Variants in TRAK1 observed in about 807,000 individuals in gnomAD.
The protein encoded by TRAK1 is trafficking kinesin protein 1, also known as trafficking kinesin-binding protein 1.
In TRAK1, 33 loss-of-function variants were observed where a neutral mutation model predicts 92.1. That is an observed-to-expected ratio of 0.36 (90% CI 0.27 to 0.48). TRAK1 has a LOEUF of 0.48. Ranked by LOEUF, TRAK1 falls within the 20% of genes least tolerant of loss-of-function variation. TRAK1 has a pLI of 0.99. For missense variants in TRAK1, 1,123 were observed against 1,257.9 expected, an observed-to-expected ratio of 0.89 and a Z score of 1.62; for synonymous variants, 521 against 517.3, an observed-to-expected ratio of 1.01 and a Z score of -0.10.
chr3:42,088,785 C>G (rs1704823994), upstream of TRAK1, among the ~76,000 whole-genome samples: 1 of 152,152 alleles, frequency 6.6e-6, no homozygotes, highest in Non-Finnish European at 1.5e-5. Flanking sequence ...CTTCTGGGTC[C>G]CCACACTCTC....
chr3:42,122,589 A>T (rs1480208044), intron 1 of TRAK1, among the ~76,000 whole-genome samples: 1 of 152,212 alleles, frequency 6.6e-6, no homozygotes, highest in Non-Finnish European at 1.5e-5. Flanking sequence ...TCCCTCAGTT[A>T]CATGGTGGCA....
At chr3:42,183,636 G>A (rs757244921) in intron 3 of TRAK1, among the ~76,000 whole-genome samples, 22 of 151,708 alleles carry the variant, frequency 1.5e-4, no homozygotes, top group African/African-American at 2.2e-4. Flanking sequence ...GCCTGGGACC[G>A]TGTGGGTAGT....
intron 4 of TRAK1, among the ~76,000 whole-genome samples, chr3:42,185,696 A>C (rs1216553727): frequency 8.3e-6 from 1 of 120,926 alleles, no homozygotes; most frequent in African/African-American, 3.2e-5. Flanking sequence ...TTTGAGATGG[A>C]ATTTCGCTCT....
chr3:42,109,378 A>G (rs938651681), intron 1 of TRAK1, among the ~76,000 whole-genome samples: 1 of 152,252 alleles, frequency 6.6e-6, no homozygotes, highest in Non-Finnish European at 1.5e-5. Flanking sequence ...CCCTAGGCAC[A>G]CTGCCTGTGA....
At chr3:42,069,136 A>G (rs1703802021) in intron 1 of TRAK1, among the ~76,000 whole-genome samples, 1 of 152,010 alleles carries the variant, frequency 6.6e-6, no homozygotes, top group African/African-American at 2.4e-5. Flanking sequence ...CAGGAGTTTG[A>G]ACAACATAGT....
intron 14 of TRAK1, chr3:42,211,674 A>G (rs1435153807): frequency 6.1e-6 from 6 of 985,200 alleles, no homozygotes; most frequent in Non-Finnish European, 7.2e-6. Context: ...GAAGTTGTAC[A>G]GAAGGACTAA....
Position 42,183,055 on chromosome 3 carries a change from AAC to A in TRAK1, c.364-1626_364-1625del, listed in dbSNP as rs144473930. Among the ~76,000 whole-genome samples the A allele has an allele frequency of 6.6e-3, 1,000 of 152,352 alleles. 6 individuals are homozygous for A. Among genetic ancestry groups the A allele is most frequent in the African/African-American group, 0.021 (876 of 41,594 alleles). On this transcript the variant is annotated intron_variant, in intron 3 of 15. Coordinates refer to ENST00000327628, the MANE Select transcript of TRAK1 (RefSeq NM_001042646.3). ...TTTGTGACCAGTACCTGCTGTAAGA[AAC>A]ACAGCTTAGGTTGTGACCCAGTACT... is the stretch of plus-strand genomic sequence containing the variant.
chr3:42,186,439 C>T (rs978192024), intron 4 of TRAK1, among the ~76,000 whole-genome samples: 2 of 152,136 alleles, frequency 1.3e-5, no homozygotes, highest in African/African-American at 4.8e-5. Flanking sequence ...GCATAGTCGC[C>T]ACTATGTAAG....
chr3:42,163,253 T>A (rs1055691819), intron 2 of TRAK1, among the ~76,000 whole-genome samples: 48 of 152,218 alleles, frequency 3.2e-4, no homozygotes, highest in African/African-American at 1.1e-3. Flanking sequence ...AGCATCAGGA[T>A]CACCTAGGAA....
At chr3:42,191,250 C>G (rs932496902) in intron 6 of TRAK1, among the ~76,000 whole-genome samples, 1 of 152,150 alleles carries the variant, frequency 6.6e-6, no homozygotes, top group African/African-American at 2.4e-5. Context: ...ATAACAGATA[C>G]AATGATAGGA....
chr3:42,203,607 A>C (rs1447443643), intron 13 of TRAK1: 2 of 977,568 alleles, frequency 2.0e-6, no homozygotes, highest in Non-Finnish European at 2.4e-6. Context: ...TTACTCCTTT[A>C]GTTTGGAAAG....
intron 2 of TRAK1, among the ~76,000 whole-genome samples, chr3:42,135,609 G>A (rs1370644525): frequency 6.6e-6 from 1 of 152,192 alleles, no homozygotes; most frequent in East Asian, 1.9e-4. Context: ...GTCTCATCCA[G>A]GGTATTTCCC....
intron 2 of TRAK1, among the ~76,000 whole-genome samples, chr3:42,128,283 A>G (rs766623144): frequency 3.9e-5 from 6 of 152,238 alleles, no homozygotes; most frequent in Non-Finnish European, 7.3e-5. Context: ...AGTTAAGAAA[A>G]AAGGAGAAAT....
At chr3:42,105,663 A>G (rs551430743) in intron 1 of TRAK1, among the ~76,000 whole-genome samples, 11 of 152,348 alleles carry the variant, frequency 7.2e-5, no homozygotes, top group African/African-American at 2.4e-4. Flanking sequence ...CAGGAAATAC[A>G]GAGAACGGCA....
chr3:42,051,912 C>T (rs1702999742), intron 1 of TRAK1, among the ~76,000 whole-genome samples: 2 of 152,122 alleles, frequency 1.3e-5, no homozygotes, highest in African/African-American at 4.8e-5. Context: ...AGATTTTTTT[C>T]CTTCTTAAAC....
intron 1 of TRAK1, among the ~76,000 whole-genome samples, chr3:42,062,213 C>G (rs542829663): frequency 1.3e-5 from 2 of 152,022 alleles, no homozygotes; most frequent in South Asian, 4.2e-4. Flanking sequence ...ACAGTGCTGC[C>G]TGTTACTCTT....
At chr3:42,205,256 T>C (rs915191410) in intron 13 of TRAK1, among the ~76,000 whole-genome samples, 4 of 152,180 alleles carry the variant, frequency 2.6e-5, no homozygotes, top group Non-Finnish European at 4.4e-5. Context: ...ACTAGGGTCA[T>C]GTTCTTAAAT....
chr3:42,042,979 T>C, intron 1 of TRAK1, among the ~76,000 whole-genome samples: 1 of 152,112 alleles, frequency 6.6e-6, no homozygotes, highest in Non-Finnish European at 1.5e-5. Context: ...AGATTCTTAT[T>C]ACCAAAGGAC....
intron 1 of TRAK1, among the ~76,000 whole-genome samples, chr3:42,053,141 A>T (rs992650453): frequency 3.9e-5 from 6 of 152,146 alleles, no homozygotes; most frequent in Non-Finnish European, 7.4e-5. Flanking sequence ...TGCTTCTCCC[A>T]GGCAGTGGCC....
Sources: gnomAD v4.1 joint callset for allele counts (sites outside exome capture counted in the v4.1 genomes callset) on GRCh38, gnomAD v4.1.1 for gene constraint, MANE v1.5 for transcripts, NCBI Gene and HGNC (gene_info 2026-07-23, HGNC 2026-07-21) for gene names.